The following ANKHD1 variants were observed in gnomAD, a reference collection of about 807,000 sequenced individuals.
The protein encoded by ANKHD1 is ankyrin repeat and KH domain-containing protein 1.
A neutral mutation model predicts 230.5 loss-of-function variants in ANKHD1; 31 were observed. That is an observed-to-expected ratio of 0.13 (90% confidence interval 0.10 to 0.18). The LOEUF is 0.18. Among genes scored for constraint, ANKHD1 ranks in the 10% least tolerant of loss-of-function variants. The pLI, the probability that ANKHD1 is intolerant of heterozygous loss-of-function variation, is 1.00. For missense variants in ANKHD1, 2,256 were observed against 3,071.3 expected (o/e 0.73, Z 6.27); for synonymous variants, 1,074 against 1,117.6 (o/e 0.96, Z 0.78).
In ANKHD1 at chr5:140,459,198, A is replaced by G; in HGVS notation, c.1515A>G (p.Gln505=). 1.3e-6 allele frequency: 2 copies of G among 1,596,736 alleles called. No homozygotes were observed. The highest frequency in any genetic ancestry group is 1.7e-6 in the Non-Finnish European group (2 of 1,168,382). The part of the protein sequence containing the change: ...ANINAQTEET[Q]ETALTLACCG... ...TAAATGCCCAGACAGAAGAAACTCAAGAAACTGCTCTTACTTTGGCTTGCT... is the reference window on the plus strand; with the variant it reads ...TAAATGCCCAGACAGAAGAAACTCAGGAAACTGCTCTTACTTTGGCTTGCT... Residue 505 remains glutamine (Q), a synonymous_variant, in exon 9 of 34, where the codon CAA becomes CAG. Transcript: ENST00000360839.
Position 140,496,911 on chromosome 5 carries a change from C to T in ANKHD1, c.2637C>T (p.Phe879=). ...LHQQCSHRGV[F]PEGEGDGSLP... is the part of the protein sequence containing the mutation. ...AACAGTGCTCTCATAGAGGAGTCTT[C>T]CCAGAAGGGGAAGGAGATGGTAGTC... The change falls in exon 15 of 34, where the codon TTC becomes TTT. Residue 879 remains phenylalanine, a synonymous_variant. Coordinates refer to ENST00000360839, the MANE Select transcript of ANKHD1 (RefSeq NM_017747.3). The T allele has an allele frequency of 4.3e-6, 7 of 1,614,172 alleles. No individual in the cohort carries two copies. Among genetic ancestry groups the T allele is most frequent in the Non-Finnish European group, 5.1e-6 (6 of 1,180,034 alleles).
rs1751438896 is a variant in ANKHD1, at chr5:140,484,951, G to GT, written c.1871-168dup. On this transcript the variant is annotated intron_variant, in intron 11 of 33. Transcript: ENST00000360839. ...GTTCTGTTTCTTCCTCTGGGTGCTGGTTACACAGGTGTGTGTTCATTTTGT... is the reference window on the plus strand; with the variant it reads ...GTTCTGTTTCTTCCTCTGGGTGCTGGTTTACACAGGTGTGTGTTCATTTTGT... The GT allele has an allele frequency of 2.7e-6, 3 of 1,095,616 alleles. No homozygotes were observed. In the Admixed American group the frequency reaches 1.0e-4, roughly 38 times the overall value. The allele number at this position is 1,095,616 out of a possible 1,614,324, so 67.9% of individuals were successfully genotyped here. A position where few individuals can be genotyped will look rare whatever the true frequency, so the allele number is the denominator to read the frequency against.
intron 7 of ANKHD1, among the ~76,000 whole-genome samples, chr5:140,454,326 A>T (rs1055505129): frequency 1.3e-5 from 2 of 152,178 alleles, no homozygotes; most frequent in Non-Finnish European, 2.9e-5. Context: ...AACAAGGGAT[A>T]TCCAGGAATT....
At chr5:140,409,022 G>A (rs1323703849) in intron 1 of ANKHD1, among the ~76,000 whole-genome samples, 2 of 151,956 alleles carry the variant, frequency 1.3e-5, no homozygotes, top group African/African-American at 4.8e-5. Context: ...CTAGATGCCA[G>A]TAGAACCCGA....
chr5:140,459,801 T>C (rs545192543), intron 9 of ANKHD1, among the ~76,000 whole-genome samples: 10 of 152,128 alleles, frequency 6.6e-5, no homozygotes, highest in Admixed American at 1.3e-4. Context: ...AAAAATACTG[T>C]TTAGAAAAAG....
At chr5:140,444,277 T>C (rs982154637) in intron 5 of ANKHD1, among the ~76,000 whole-genome samples, 7 of 152,134 alleles carry the variant, frequency 4.6e-5, no homozygotes, top group African/African-American at 9.7e-5. Context: ...TCATACTTCA[T>C]TGGGAAAATA....
intron 24 of ANKHD1, among the ~76,000 whole-genome samples, chr5:140,523,545 T>C (rs1753459762): frequency 6.6e-6 from 1 of 151,962 alleles, no homozygotes. Flanking sequence ...ATTTTTCCCA[T>C]TTTATAGGTT....
chr5:140,421,361 C>T (rs897640963), intron 1 of ANKHD1, among the ~76,000 whole-genome samples: 4 of 137,994 alleles, frequency 2.9e-5, no homozygotes, highest in Admixed American at 8.1e-5. Flanking sequence ...CGTGCAGTGG[C>T]GTGATCTCGG....
At chr5:140,435,604 C>T (rs1773383163) in intron 1 of ANKHD1, among the ~76,000 whole-genome samples, 1 of 152,064 alleles carries the variant, frequency 6.6e-6, no homozygotes, top group African/African-American at 2.4e-5. Flanking sequence ...GTCTCAAACT[C>T]TTGACCCCAG....
At position 140,402,150 on chromosome 5, in the gene ANKHD1, C is replaced by T. The variant is rs1400273882; in HGVS notation, c.183C>T (p.Gly61=). 2.0e-6 allele frequency: 3 copies of T among 1,531,564 alleles called. No individual in the cohort carries two copies. Among genetic ancestry groups the T allele is most frequent in the Non-Finnish European group, 1.7e-6 (2 of 1,144,430 alleles). The allele number at this position is 1,531,564 out of a possible 1,614,324, so 94.9% of individuals were successfully genotyped here. A position where few individuals can be genotyped will look rare whatever the true frequency, so the allele number is the denominator to read the frequency against. The change falls in exon 1 of 34, where the codon GGC becomes GGT. Residue 61 remains glycine (G), a synonymous_variant. Transcript: ENST00000360839. ...GPASGVGSSG[G]GGSGSGTGGG... is the part of the protein sequence containing the mutation. ...CGTCGGGAGTCGGCAGCAGCGGCGG[C>T]GGCGGCAGCGGCAGCGGTACGGGCG...
intron 1 of ANKHD1, among the ~76,000 whole-genome samples, chr5:140,430,690 C>T (rs1375254482): frequency 3.5e-5 from 5 of 143,658 alleles, no homozygotes; most frequent in African/African-American, 7.8e-5. Flanking sequence ...CTCACTCTGT[C>T]GCCCAGGGTC....
intron 24 of ANKHD1, among the ~76,000 whole-genome samples, chr5:140,516,824 G>A (rs565390427): frequency 2.8e-4 from 43 of 151,336 alleles, no homozygotes; most frequent in African/African-American, 7.0e-4. Context: ...GGTACCAGCC[G>A]CTGCAAAATC....
intron 10 of ANKHD1, among the ~76,000 whole-genome samples, chr5:140,480,672 G>T (rs1751235218): frequency 6.6e-6 from 1 of 151,954 alleles, no homozygotes; most frequent in Non-Finnish European, 1.5e-5. Flanking sequence ...TTGTTTAGTT[G>T]ACTTTCCTTT....
intron 15 of ANKHD1, 164 bp from the exon 16 acceptor site, chr5:140,504,657 G>T: frequency 1.1e-6 from 1 of 930,820 alleles, no homozygotes; most frequent in Non-Finnish European, 1.5e-6. Flanking sequence ...CAGAAAGTCA[G>T]TGTTGGAACT....
Position 140,457,284 on chromosome 5 carries a change from TAGAC to T in ANKHD1, c.1243-1338_1243-1335del, listed in dbSNP as rs575242542. ...CTGTTGACTAGTTCAACCATTGTGG[TAGAC>T]AGTGTGGCGATTCCTCAAGGATCTA... On this transcript the variant is annotated intron_variant, in intron 7 of 33. Coordinates refer to ENST00000360839, the MANE Select transcript of ANKHD1 (RefSeq NM_017747.3). Among the ~76,000 whole-genome samples the T allele has an allele frequency of 1.5e-3, 236 of 152,270 alleles. 1 individual carries two copies. The highest frequency in any genetic ancestry group is 5.5e-3 in the African/African-American group (227 of 41,550).
chr5:140,537,047 A>G (rs2127102205), intron 30 of ANKHD1: 1 of 164,220 alleles, frequency 6.1e-6, no homozygotes, highest in East Asian at 1.8e-4. Flanking sequence ...AGTGACAGTA[A>G]TGTTTTGAGC....
At chr5:140,471,799 C>T (rs1368505336) in intron 10 of ANKHD1, among the ~76,000 whole-genome samples, 1 of 152,034 alleles carries the variant, frequency 6.6e-6, no homozygotes, top group Non-Finnish European at 1.5e-5. Context: ...AAGTGGAAGC[C>T]TTAAGTACAT....
chr5:140,513,002 C>G (rs2127063456), intron 23 of ANKHD1, 79 bp downstream of exon 23: 1 of 1,366,206 alleles, frequency 7.3e-7, no homozygotes. Context: ...GGAACTTGTT[C>G]TTTTTATATT....
rs1769998207 is a variant in ANKHD1, at chr5:140,402,184, G to T, written c.217G>T (p.Ala73Ser). 3 of 1,523,606 alleles carry T rather than the reference G, an allele frequency of 2.0e-6. No individual in the cohort carries two copies. The highest frequency in any genetic ancestry group is 2.5e-5 in the East Asian group (1 of 39,860). The allele number at this position is 1,523,606 out of a possible 1,614,324, so 94.4% of individuals were successfully genotyped here. A position where few individuals can be genotyped will look rare whatever the true frequency, so the allele number is the denominator to read the frequency against. ...CGGCAGCGGTACGGGCGGAGGGGAC[G>T]CGGCGCTGGATTTCAAGTTGGCGGC... ...GSGSGTGGGD[A>S]ALDFKLAAAV... The change falls in exon 1 of 34, where the codon GCG (alanine) becomes TCG (serine). Residue 73 changes from alanine to serine, a missense_variant. By Grantham distance (99) the Ala-to-Ser change is moderately conservative. This residue lies in a region of ANKHD1 where 193 missense variants were observed against 185.8 expected (regional missense o/e 1.04). Transcript: ENST00000360839.
Sources: allele counts gnomAD v4.1 joint callset (sites outside exome capture counted in the v4.1 genomes callset), GRCh38; gene constraint gnomAD v4.1.1; regional missense constraint gnomAD v4.1.1; transcripts MANE v1.5; gene names NCBI Gene and HGNC (gene_info 2026-07-23, HGNC 2026-07-21).